The following FER variants were observed in gnomAD, a reference collection of about 807,000 sequenced individuals.
FER encodes tyrosine-protein kinase Fer.
FER carries 63 observed loss-of-function variants against 111.0 expected under a neutral mutation model. That is an observed-to-expected ratio of 0.57 (90% confidence interval 0.46 to 0.70). The LOEUF (loss-of-function observed/expected upper bound fraction) is 0.70, where lower values mean the gene tolerates loss of function less well. Ranked by LOEUF, FER falls within the 30% of genes least tolerant of loss-of-function variation. The probability of loss-of-function intolerance (pLI) is 0.00; values close to 1 mark genes in which losing one functional copy is unlikely to be tolerated. For synonymous variants in FER, 327 were observed against 313.9 expected, an observed-to-expected ratio of 1.04 and a Z score of -0.44; for missense variants, 914 against 954.0, an observed-to-expected ratio of 0.96 and a Z score of 0.55.
At position 108,854,634 on chromosome 5, in the gene FER, C is replaced by G. The variant is rs73207544; in HGVS notation, c.482-13133C>G. Among the ~76,000 whole-genome samples, 945 of 152,186 alleles carry G rather than the reference C, an allele frequency of 6.2e-3. 11 individuals are homozygous for G. The highest frequency in any genetic ancestry group is 0.022 in the African/African-American group (894 of 41,524). ...GCTTTCACAAATAATGAAAATCTAC[C>G]ATATATTGAAAGTAGAGCGGGCTGG... On this transcript the variant is annotated intron_variant, in intron 5 of 19. Coordinates refer to ENST00000281092, the MANE Select transcript of FER (RefSeq NM_005246.4).
chr5:109,031,003 C>G (rs1326695065), intron 13 of FER, among the ~76,000 whole-genome samples: 1 of 151,938 alleles, frequency 6.6e-6, no homozygotes, highest in Non-Finnish European at 1.5e-5. Flanking sequence ...GTGGGCCATC[C>G]CAGTATTTCT....
intron 16 of FER, among the ~76,000 whole-genome samples, chr5:109,055,634 T>A (rs940483050): frequency 7.3e-5 from 11 of 151,036 alleles, no homozygotes; most frequent in East Asian, 1.9e-4. Flanking sequence ...CTTTTTTTTT[T>A]AAATTAACCA....
chr5:108,984,708 AG>A (rs1360635954), intron 13 of FER, among the ~76,000 whole-genome samples: 1 of 151,344 alleles, frequency 6.6e-6, no homozygotes, highest in Non-Finnish European at 1.5e-5. Context: ...TTTATCTAAA[AG>A]TACGTGGGGA....
chr5:109,076,614 T>A (rs1008847698), intron 16 of FER, among the ~76,000 whole-genome samples: 8 of 152,022 alleles, frequency 5.3e-5, no homozygotes, highest in African/African-American at 1.9e-4. Context: ...ATTTTTGTAT[T>A]TTTTATAGAG....
At chr5:109,168,713 GT>G (rs1561983832) in intron 17 of FER, among the ~76,000 whole-genome samples, 1 of 152,130 alleles carries the variant, frequency 6.6e-6, no homozygotes, top group African/African-American at 2.4e-5. Context: ...ACCATTTGAT[GT>G]TTCACAGAAT....
At chr5:109,000,103 A>C (rs1764528664) in intron 13 of FER, among the ~76,000 whole-genome samples, 1 of 151,744 alleles carries the variant, frequency 6.6e-6, no homozygotes, top group South Asian at 2.1e-4. Context: ...TAATGTATAT[A>C]TTTACTGGTT....
In FER at chr5:108,798,115, C is replaced by A; in HGVS notation, c.-59-9C>A. ...TTTAAGAGTTTTTCTCTTTTGTTTA[C>A]ATACACAGATATGTGCTGATTAGAA... On this transcript the variant is annotated splice_polypyrimidine_tract_variant and intron_variant, in intron 2 of 19. Coordinates refer to ENST00000281092, the MANE Select transcript of FER (RefSeq NM_005246.4). 1.9e-6 allele frequency: 2 copies of A among 1,048,696 alleles called. No individual in the cohort carries two copies. Among genetic ancestry groups the A allele is most frequent in the Non-Finnish European group, 2.7e-6 (2 of 728,460 alleles). 65.0% of individuals were successfully genotyped at this position (1,048,696 alleles called of 1,614,324 possible). A position where few individuals can be genotyped will look rare whatever the true frequency, so the allele number is the denominator to read the frequency against.
At chr5:109,040,610 G>A (rs539000681) in intron 14 of FER, among the ~76,000 whole-genome samples, 38 of 152,210 alleles carry the variant, frequency 2.5e-4, no homozygotes, top group African/African-American at 7.7e-4. Context: ...TGAGAGGAAC[G>A]GGAGGAGAGA....
At chr5:109,157,123 G>A (rs1186815769) in intron 17 of FER, among the ~76,000 whole-genome samples, 3 of 152,092 alleles carry the variant, frequency 2.0e-5, no homozygotes, top group Non-Finnish European at 2.9e-5. Flanking sequence ...GTTACATCAT[G>A]ATGAAGCTTG....
At chr5:109,085,529 T>C (rs1777471118) in intron 16 of FER, among the ~76,000 whole-genome samples, 1 of 151,632 alleles carries the variant, frequency 6.6e-6, no homozygotes, top group Non-Finnish European at 1.5e-5. Context: ...TTTACTTCTT[T>C]CTTATTTTTC....
intron 13 of FER, among the ~76,000 whole-genome samples, chr5:109,001,487 A>G (rs951593759): frequency 1.3e-5 from 2 of 152,220 alleles, no homozygotes; most frequent in Non-Finnish European, 2.9e-5. Flanking sequence ...CATATCTCAA[A>G]GTAATAAGAG....
chr5:108,919,384 G>A (rs1211527625), intron 10 of FER, among the ~76,000 whole-genome samples: 2 of 151,668 alleles, frequency 1.3e-5, no homozygotes, highest in Non-Finnish European at 2.9e-5. Context: ...GTCCTATTTT[G>A]GAGGGAGGGT....
chr5:109,006,867 G>T (rs1765564300), intron 13 of FER, among the ~76,000 whole-genome samples: 1 of 152,080 alleles, frequency 6.6e-6, no homozygotes, highest in Admixed American at 6.6e-5. Flanking sequence ...ACTTAATTAA[G>T]ATTATTAAAG....
intron 2 of FER, among the ~76,000 whole-genome samples, chr5:108,795,670 G>A (rs529503614): frequency 1.5e-4 from 23 of 152,056 alleles, no homozygotes; most frequent in African/African-American, 4.3e-4. Flanking sequence ...TCTTCAGTGC[G>A]TCAGTTGCAT....
intron 16 of FER, among the ~76,000 whole-genome samples, chr5:109,086,452 T>G (rs949935749): frequency 3.3e-5 from 5 of 151,800 alleles, no homozygotes; most frequent in African/African-American, 1.2e-4. Flanking sequence ...ACAGTCTTCC[T>G]AGGTGTTTAT....
intron 5 of FER, among the ~76,000 whole-genome samples, chr5:108,853,650 C>A (rs761693879): frequency 6.6e-5 from 10 of 152,106 alleles, no homozygotes; most frequent in Non-Finnish European, 1.2e-4. Flanking sequence ...AGTACAGATA[C>A]CTTTTTGTCT....
At chr5:109,093,919 A>G (rs1554136008) in intron 16 of FER, among the ~76,000 whole-genome samples, 1 of 151,770 alleles carries the variant, frequency 6.6e-6, no homozygotes, top group Non-Finnish European at 1.5e-5. Flanking sequence ...CTTTTTTTTC[A>G]TTCTTGCTTT....
chr5:109,022,206 C>T (rs1238146820), intron 13 of FER, among the ~76,000 whole-genome samples: 1 of 152,034 alleles, frequency 6.6e-6, no homozygotes. Context: ...CTTCCATGCC[C>T]TGCCCAAGCT....
chr5:108,864,087 G>C (rs900353771), intron 5 of FER, among the ~76,000 whole-genome samples: 1 of 152,018 alleles, frequency 6.6e-6, no homozygotes, highest in African/African-American at 2.4e-5. Flanking sequence ...AGATTATCTG[G>C]GTAACATTTT....
Sources: allele counts gnomAD v4.1 joint callset (sites outside exome capture counted in the v4.1 genomes callset), GRCh38; gene constraint gnomAD v4.1.1; transcripts MANE v1.5; gene names NCBI Gene and HGNC (gene_info 2026-07-23, HGNC 2026-07-21).